VPS9D1: variants seen among roughly 807,000 people sequenced by gnomAD.
VPS9D1 encodes the protein VPS9 domain containing 1, also known as VPS9 domain-containing protein 1.
Under a neutral mutation model 75.8 loss-of-function variants are expected in VPS9D1, and 78 were observed. That is an observed-to-expected ratio of 1.03 (90% CI 0.86 to 1.24). The LOEUF is 1.24. Ranked by LOEUF, VPS9D1 falls within the 50% of genes most tolerant of loss-of-function variation. The probability of loss-of-function intolerance (pLI) is 0.00; values close to 1 mark genes in which losing one functional copy is unlikely to be tolerated. For synonymous variants in VPS9D1, 481 were observed against 385.6 expected (o/e 1.25, Z -2.90); for missense variants, 1,057 against 847.7 (o/e 1.25, Z -3.07).
At position 89,712,029 on chromosome 16, in the gene VPS9D1, G is replaced by C. The variant is rs1236711870; in HGVS notation, c.659+18C>G. The C allele has an allele frequency of 1.3e-6, 2 of 1,549,066 alleles. No individual in the cohort carries two copies. The highest frequency in any genetic ancestry group is 2.7e-5 in the African/African-American group (2 of 72,968). On this transcript the variant is annotated intron_variant, in intron 7 of 14. Transcript: ENST00000389386. ...AGGCCCTCCCCGCAGCGGCCCCAGGGGCGGGCAGGAGTCCCACCTGTTGGC... is the reference window on the plus strand; with the variant it reads ...AGGCCCTCCCCGCAGCGGCCCCAGGCGCGGGCAGGAGTCCCACCTGTTGGC...
chr16:89,710,515 G>T (rs1337939342), intron 10 of VPS9D1, 71 bp downstream of exon 10: 2 of 1,488,082 alleles, frequency 1.3e-6, no homozygotes, highest in Non-Finnish European at 1.8e-6. Context: ...TCCCCAAACA[G>T]AAGCTTGAAA....
chr16:89,711,350 G>A lies in VPS9D1; in HGVS notation c.810C>T (p.Thr270=), dbSNP rs762876593. The A allele has an allele frequency of 3.7e-6, 6 of 1,610,772 alleles. No homozygotes were observed. The African/African-American group carries it at 8.0e-5, about 22-fold the overall frequency. ...ACCTGAGCAGGTGTGAGACCAGGCTGGTCACGAGTGACAGGTCCCCCGGAT... is the reference window on the plus strand; with the variant it reads ...ACCTGAGCAGGTGTGAGACCAGGCTAGTCACGAGTGACAGGTCCCCCGGAT... ...KRNPGDLSLV[T]SLVSHLLSLP... Residue 270 remains threonine (T), a synonymous_variant, in exon 9 of 15, where the codon ACC becomes ACT. Transcript: ENST00000389386.
chr16:89,709,104 G>T (rs947617110), intron 12 of VPS9D1, 123 bp downstream of exon 12: 74 of 1,379,706 alleles, frequency 5.4e-5, no homozygotes, highest in Middle Eastern at 2.7e-4. Flanking sequence ...CACCACTTTT[G>T]TTCTGGTCCC....
chr16:89,717,004 C>T (rs901435289), intron 2 of VPS9D1, 182 bp from the exon 3 acceptor site: 18 of 473,750 alleles, frequency 3.8e-5, no homozygotes, highest in Non-Finnish European at 5.3e-5. Context: ...CACTGCCCCC[C>T]CATCCCCTCA....
chr16:89,708,255 T>C (rs934620716), intron 14 of VPS9D1, among the ~76,000 whole-genome samples, 172 bp downstream of exon 14: 3 of 152,312 alleles, frequency 2.0e-5, no homozygotes, highest in African/African-American at 4.8e-5. Flanking sequence ...CCACGGGACA[T>C]GTGGCAGCAG....
In VPS9D1 at chr16:89,720,864, C is replaced by G. The variant is rs2061246674; in HGVS notation, c.-3G>C. Reference sequence around the variant, plus strand: ...CCGTCCCCGGCCGCAGCGGCCATGGCGCCGAGCGGGGGAGGCGGCGGCGGT... The same window carrying G: ...CCGTCCCCGGCCGCAGCGGCCATGGGGCCGAGCGGGGGAGGCGGCGGCGGT... On this transcript the variant is annotated 5_prime_UTR_variant, in exon 1 of 15. Transcript: ENST00000389386. The G allele has an allele frequency of 2.2e-6, 3 of 1,383,410 alleles. No homozygotes were observed. The highest frequency in any genetic ancestry group is 2.8e-6 in the Non-Finnish European group (3 of 1,063,462). The allele number at this position is 1,383,410 out of a possible 1,614,324, so 85.7% of individuals were successfully genotyped here. A position where few individuals can be genotyped will look rare whatever the true frequency, so the allele number is the denominator to read the frequency against.
intron 2 of VPS9D1, chr16:89,717,711 A>T (rs1467223028): frequency 4.4e-6 from 2 of 455,462 alleles, no homozygotes; most frequent in South Asian, 1.6e-5. Flanking sequence ...GTCTTCTGGG[A>T]CTTTGCTCTC....
At chr16:89,709,470 G>C (rs749769793) in intron 11 of VPS9D1, 35 bp from the exon 12 acceptor site, 1 of 1,492,086 alleles carries the variant, frequency 6.7e-7, no homozygotes, top group Non-Finnish European at 8.8e-7. Flanking sequence ...AGCTGCCCCA[G>C]GGACCTTGCC....
At position 89,707,896 on chromosome 16, in the gene VPS9D1, C is replaced by T. The variant is rs961722966; in HGVS notation, c.1861G>A (p.Val621Met). ...AGGCCTCCCCGGGGCAGCAGCTCCACGTAGCTCAGGGCACTCTGCAGTGAT... is the reference window on the plus strand; with the variant it reads ...AGGCCTCCCCGGGGCAGCAGCTCCATGTAGCTCAGGGCACTCTGCAGTGAT... Reference protein sequence around the residue: ...LTSLQSALSYVELLPRGGLAK With the variant: ...LTSLQSALSYMELLPRGGLAK Residue 621 changes from valine to methionine, a missense_variant, in exon 15 of 15, where the codon GTG becomes ATG. Transcript: ENST00000389386. 5.6e-6 allele frequency: 9 copies of T among 1,613,176 alleles called. No individual in the cohort carries two copies. The highest frequency in any genetic ancestry group is 1.7e-5 in the Admixed American group (1 of 60,020).
At chr16:89,717,640 C>G (rs1174860052) in intron 2 of VPS9D1, 1 of 456,560 alleles carries the variant, frequency 2.2e-6, no homozygotes, top group Non-Finnish European at 4.4e-6. Flanking sequence ...CCGACTCCCC[C>G]CGGAAACTGC....
At position 89,710,574 on chromosome 16, in the gene VPS9D1, G is replaced by A; in HGVS notation, c.1258+12C>T. 4 of 1,583,720 alleles carry A rather than the reference G, an allele frequency of 2.5e-6. No homozygotes were observed. The highest frequency in any genetic ancestry group is 3.5e-6 in the Non-Finnish European group (4 of 1,158,678). ...AGCTGCGGCGGCTCTCCCAGGGAGG[G>A]CCTGGCCTCACCTACGGCATTGTGG... On this transcript the variant is annotated intron_variant, in intron 10 of 14. Transcript: ENST00000389386.
At chr16:89,708,398 G>T (rs1340361868) in intron 14 of VPS9D1, 29 bp downstream of exon 14, 1 of 1,588,046 alleles carries the variant, frequency 6.3e-7, no homozygotes, top group Non-Finnish European at 8.6e-7. Flanking sequence ...TTCGCACAGA[G>T]ACCCCCACCC....
Position 89,707,957 on chromosome 16 carries a change from G to A in VPS9D1, c.1803-3C>T, listed in dbSNP as rs1420348586. 22 of 1,612,564 alleles carry A rather than the reference G, an allele frequency of 1.4e-5. No individual in the cohort carries two copies. The highest frequency in any genetic ancestry group is 1.9e-5 in the Non-Finnish European group (22 of 1,179,728). On this transcript the variant is annotated splice_polypyrimidine_tract_variant and splice_region_variant and intron_variant, in intron 14 of 14. Transcript: ENST00000389386. Reference sequence around the variant, plus strand: ...AGCCCTCCTCTCCGATCAGGTACCTGCATGGATGGCAGGGGCAGCCGGTGT... The same window carrying A: ...AGCCCTCCTCTCCGATCAGGTACCTACATGGATGGCAGGGGCAGCCGGTGT...
chr16:89,711,075 G>C (rs2060906139), intron 9 of VPS9D1, 65 bp from the exon 10 acceptor site: 3 of 1,397,576 alleles, frequency 2.1e-6, no homozygotes, highest in Non-Finnish European at 2.8e-6. Context: ...CACAGGTGCC[G>C]CGCTATGCCC....
At chr16:89,710,447 G>C in intron 10 of VPS9D1, 139 bp downstream of exon 10, 3 of 921,884 alleles carry the variant, frequency 3.3e-6, no homozygotes, top group Non-Finnish European at 4.7e-6. Context: ...AATGAGAAGG[G>C]CTGAGGCGTG....
In VPS9D1 at chr16:89,716,580, G is replaced by A. The variant is rs572625094; in HGVS notation, c.313C>T (p.Pro105Ser). 2.1e-4 allele frequency: 339 copies of A among 1,613,946 alleles called. 1 individual carries two copies. In the East Asian group the frequency reaches 6.8e-3, roughly 33 times the overall value. ...KPTMPAAAPI[P>S]QPAGRHRRVY... ...CGGCGGTGTCGGCCGGCAGGCTGGG[G>A]AATGGGAGCAGCTGCAGGCATGGTT... The change falls in exon 4 of 15, where the codon CCC (proline) becomes TCC (serine). Residue 105 changes from proline to serine, a missense_variant. By Grantham distance (74) the Pro-to-Ser change is moderately conservative. Transcript: ENST00000389386.
intron 12 of VPS9D1, 94 bp from the exon 13 acceptor site, chr16:89,709,050 C>A (rs1431599371): frequency 1.4e-6 from 2 of 1,395,356 alleles, no homozygotes; most frequent in African/African-American, 3.1e-5. Context: ...TCCTGATGTG[C>A]ACGGCTGGGA....
intron 10 of VPS9D1, 148 bp downstream of exon 10, chr16:89,710,438 A>G: frequency 1.2e-6 from 1 of 864,768 alleles, no homozygotes; most frequent in Non-Finnish European, 1.7e-6. Flanking sequence ...TGTTTCCAAA[A>G]TGAGAAGGGC....
intron 2 of VPS9D1, chr16:89,717,730 ATCCTCTGCCAC>A (rs1229908025): frequency 2.2e-6 from 1 of 455,700 alleles, no homozygotes. Flanking sequence ...TCCCCAGGGG[ATCCTCTGCCAC>A]TCCTCCACCC....
Sources: allele counts gnomAD v4.1 joint callset (sites outside exome capture counted in the v4.1 genomes callset), GRCh38; gene constraint gnomAD v4.1.1; transcripts MANE v1.5; gene names NCBI Gene and HGNC (gene_info 2026-07-23, HGNC 2026-07-21).